NIPA1: variants seen among roughly 807,000 people sequenced by gnomAD.
NIPA1 encodes the protein magnesium transporter NIPA1.
A neutral mutation model predicts 23.9 loss-of-function variants in NIPA1; 13 were observed. The observed-to-expected ratio is 0.54, with a 90% CI of 0.35 to 0.87. The LOEUF is 0.87. Ranked by LOEUF, NIPA1 falls within the 40% of genes least tolerant of loss-of-function variation. The pLI is 0.01. For synonymous variants in NIPA1, 234 were observed against 202.9 expected, an observed-to-expected ratio of 1.15 and a Z score of -1.30; for missense variants, 362 against 429.7, an observed-to-expected ratio of 0.84 and a Z score of 1.39.
Position 22,820,250 on chromosome 15 carries a change from C to T in NIPA1, c.318-63C>T, listed in dbSNP as rs575758359. 91 of 1,124,494 alleles carry T rather than the reference C, an allele frequency of 8.1e-5. 2 individuals carry two copies. The South Asian group carries it at 1.1e-3, about 13-fold the overall frequency. 69.7% of individuals were successfully genotyped at this position (1,124,494 alleles called of 1,614,324 possible). Reference sequence around the variant, plus strand: ...ATGGTTTTTCTAGATAAAATATCTGCTGTTAGAAGAAAGGTCAGGTAGTTT... The same window carrying T: ...ATGGTTTTTCTAGATAAAATATCTGTTGTTAGAAGAAAGGTCAGGTAGTTT... On this transcript the variant is annotated intron_variant, in intron 3 of 4. Coordinates refer to ENST00000337435, the MANE Select transcript of NIPA1 (RefSeq NM_144599.5).
At chr15:22,804,898 G>A (rs1354333159) in intron 1 of NIPA1, among the ~76,000 whole-genome samples, 2 of 151,880 alleles carry the variant, frequency 1.3e-5, no homozygotes, top group African/African-American at 2.4e-5. Context: ...GTGCAGTGGC[G>A]CAATCTTGGC....
At chr15:22,786,870 T>C in intron 1 of NIPA1, 36 bp downstream of exon 1, 2 of 79,556 alleles carry the variant, frequency 2.5e-5, no homozygotes, top group Non-Finnish European at 4.9e-5. Context: ...GGCGGGCGGG[T>C]GGGGGAGGCG....
intron 3 of NIPA1, among the ~76,000 whole-genome samples, chr15:22,819,982 C>G (rs974382487): frequency 1.3e-5 from 2 of 152,122 alleles, no homozygotes; most frequent in African/African-American, 4.8e-5. Flanking sequence ...TCGTTTGAGC[C>G]CAGGAGTTTG....
chr15:22,810,883 G>T, intron 2 of NIPA1, 87 bp downstream of exon 2: 1 of 1,048,198 alleles, frequency 9.5e-7, no homozygotes, highest in Non-Finnish European at 1.5e-6. Flanking sequence ...CTGGGCTAGG[G>T]TGGCTCTGTT....
intron 1 of NIPA1, among the ~76,000 whole-genome samples, chr15:22,793,013 A>T (rs1894864035): frequency 6.6e-6 from 1 of 152,118 alleles, no homozygotes; most frequent in Admixed American, 6.6e-5. Context: ...AGTGGCCAAG[A>T]TCACACCACT....
chr15:22,822,952 T>A (rs1396498581), intron 4 of NIPA1, among the ~76,000 whole-genome samples: 1 of 127,884 alleles, frequency 7.8e-6, no homozygotes, highest in East Asian at 2.5e-4. Flanking sequence ...GGACTCTTGC[T>A]CTGTCGCCCA....
At chr15:22,807,804 G>GTGTGTGTGTGT (rs1895240688) in intron 1 of NIPA1, among the ~76,000 whole-genome samples, 2 of 150,700 alleles carry the variant, frequency 1.3e-5, no homozygotes, top group Non-Finnish European at 3.0e-5. Context: ...GTGTGTGTGT[G>GTGTGTGTGTGT]ATGGAGTCTC....
chr15:22,790,676 A>C (rs1302472679), intron 1 of NIPA1, among the ~76,000 whole-genome samples: 2 of 152,102 alleles, frequency 1.3e-5, no homozygotes, highest in African/African-American at 2.4e-5. Context: ...GACCTCCCAA[A>C]GTGCTGGGAT....
intron 1 of NIPA1, among the ~76,000 whole-genome samples, chr15:22,787,948 C>A (rs1894744960): frequency 6.6e-6 from 1 of 152,058 alleles, no homozygotes; most frequent in African/African-American, 2.4e-5. Context: ...ATAGTGGTCT[C>A]CCATACAATT....
chr15:22,822,356 G>A (rs1389021684), intron 4 of NIPA1, among the ~76,000 whole-genome samples: 1 of 152,074 alleles, frequency 6.6e-6, no homozygotes, highest in African/African-American at 2.4e-5. Context: ...TGATGGGGGT[G>A]GGGGTTGCTG....
chr15:22,807,295 G>A (rs1424384562), intron 1 of NIPA1, among the ~76,000 whole-genome samples: 4 of 152,190 alleles, frequency 2.6e-5, no homozygotes, highest in Non-Finnish European at 5.9e-5. Context: ...AAAGGGGGGT[G>A]CCTATGGGCC....
upstream of NIPA1, among the ~76,000 whole-genome samples, chr15:22,786,435 C>A (rs1267130626): frequency 6.6e-6 from 1 of 151,124 alleles, no homozygotes; most frequent in Non-Finnish European, 1.5e-5. Flanking sequence ...CCGCCCCACC[C>A]AGCGCCTCAC....
chr15:22,812,056 T>A, intron 2 of NIPA1, 107 bp from the exon 3 acceptor site: 2 of 856,386 alleles, frequency 2.3e-6, no homozygotes, highest in Non-Finnish European at 3.9e-6. Flanking sequence ...ACAAGTAATG[T>A]GAATGAAGTA....
At chr15:22,798,300 C>T (rs9672905) in intron 1 of NIPA1, among the ~76,000 whole-genome samples, 15,557 of 145,424 alleles carry the variant, frequency 0.11, 935 homozygotes, top group South Asian at 0.19. Context: ...AGTGCAGTGG[C>T]GCGATCTCAG....
At chr15:22,803,556 T>G (rs913837556) in intron 1 of NIPA1, among the ~76,000 whole-genome samples, 1 of 135,208 alleles carries the variant, frequency 7.4e-6, no homozygotes, top group Non-Finnish European at 1.5e-5. Flanking sequence ...TTGCGTAGGC[T>G]GGAGTGCAGT....
In NIPA1 at chr15:22,786,795, G is replaced by A; in HGVS notation, c.139G>A (p.Val47Met). ...VSSLVNGSTF[V>M]LQKKGIVRAK... ...GAGCCTGGTGAACGGGTCCACGTTCGTGCTACAGAAGAAGGGCATCGTGCG... is the reference window on the plus strand; with the variant it reads ...GAGCCTGGTGAACGGGTCCACGTTCATGCTACAGAAGAAGGGCATCGTGCG... Residue 47 changes from valine to methionine, a missense_variant, in exon 1 of 5, where the codon GTG (valine) becomes ATG (methionine). Around this residue, in one of 2 missense-constraint regions of NIPA1, gnomAD observed 277 missense variants for 372.0 expected, o/e 0.74. Transcript: ENST00000337435. 1.5e-6 allele frequency: 2 copies of A among 1,305,084 alleles called. No homozygotes were observed. Among genetic ancestry groups the A allele is most frequent in the Non-Finnish European group, 2.0e-6 (2 of 1,004,742 alleles). 80.8% of individuals were successfully genotyped at this position (1,305,084 alleles called of 1,614,324 possible).
intron 3 of NIPA1, chr15:22,813,509 C>T (rs1895358502): frequency 5.1e-6 from 2 of 394,960 alleles, no homozygotes; most frequent in East Asian, 7.2e-5. Flanking sequence ...CATATATCCT[C>T]GTGTGAACCT....
chr15:22,815,614 C>T (rs1482947575), intron 3 of NIPA1, among the ~76,000 whole-genome samples: 1 of 150,258 alleles, frequency 6.7e-6, no homozygotes, highest in African/African-American at 2.5e-5. Flanking sequence ...AAACTCTGTC[C>T]CTCCCCCGCC....
At chr15:22,822,304 C>T (rs543726512) in intron 4 of NIPA1, among the ~76,000 whole-genome samples, 6 of 152,034 alleles carry the variant, frequency 3.9e-5, no homozygotes, top group Admixed American at 6.6e-5. Context: ...GTTACAAGTC[C>T]GAGGAGACAT....
Sources: allele counts gnomAD v4.1 joint callset (sites outside exome capture counted in the v4.1 genomes callset), GRCh38; gene constraint gnomAD v4.1.1; regional missense constraint gnomAD v4.1.1; transcripts MANE v1.5; gene names NCBI Gene and HGNC (gene_info 2026-07-23, HGNC 2026-07-21).